GNAQ: variants seen among roughly 807,000 people sequenced by gnomAD.
GNAQ encodes the protein guanine nucleotide-binding protein G(q) subunit alpha.
GNAQ carries 8 observed loss-of-function variants against 43.9 expected under a neutral mutation model. The observed-to-expected ratio is 0.18, with a 90% CI of 0.11 to 0.33. The LOEUF is 0.33. Among genes scored for constraint, GNAQ ranks in the 10% least tolerant of loss-of-function variants. The pLI is 1.00. For synonymous variants in GNAQ, 155 were observed against 170.7 expected (o/e 0.91, Z 0.71); for missense variants, 158 against 450.8 (o/e 0.35, Z 5.88).
At chr9:77,779,063 A>G (rs1299227384) in intron 5 of GNAQ, among the ~76,000 whole-genome samples, 1 of 151,984 alleles carries the variant, frequency 6.6e-6, no homozygotes, top group Admixed American at 6.6e-5. Flanking sequence ...CCATCAATCA[A>G]TTAGATATAA....
At chr9:77,985,361 T>C (rs1334321525) in intron 1 of GNAQ, among the ~76,000 whole-genome samples, 2 of 151,966 alleles carry the variant, frequency 1.3e-5, no homozygotes, top group African/African-American at 2.4e-5. Flanking sequence ...TTGTTTTGTT[T>C]TGGTTTTCCT....
At chr9:77,916,401 A>G (rs1330457537) in intron 2 of GNAQ, among the ~76,000 whole-genome samples, 3 of 152,234 alleles carry the variant, frequency 2.0e-5, no homozygotes, top group African/African-American at 7.2e-5. Flanking sequence ...GTAATGTTTT[A>G]TTCCTTGATC....
At chr9:77,885,717 G>A (rs1233852810) in intron 2 of GNAQ, among the ~76,000 whole-genome samples, 1 of 150,578 alleles carries the variant, frequency 6.6e-6, no homozygotes, top group Non-Finnish European at 1.5e-5. Flanking sequence ...TCATAATTTT[G>A]GACAACTTAC....
chr9:77,956,029 T>C (rs184903840), intron 1 of GNAQ, among the ~76,000 whole-genome samples: 1 of 152,326 alleles, frequency 6.6e-6, no homozygotes, highest in East Asian at 1.9e-4. Flanking sequence ...ATGTGAAACA[T>C]TTTTGATTTA....
At chr9:77,745,488 GATCT>G (rs1825715145) in intron 5 of GNAQ, among the ~76,000 whole-genome samples, 1 of 151,732 alleles carries the variant, frequency 6.6e-6, no homozygotes, top group African/African-American at 2.4e-5. Flanking sequence ...AAAATCCTCA[GATCT>G]TTCTGAAAGA....
chr9:77,925,371 G>A (rs954185551), intron 1 of GNAQ, among the ~76,000 whole-genome samples: 4 of 152,116 alleles, frequency 2.6e-5, no homozygotes, highest in African/African-American at 7.2e-5. Context: ...ACTTCTGGAA[G>A]CCAATCATGA....
chr9:77,886,376 G>A (rs1275581971), intron 2 of GNAQ, among the ~76,000 whole-genome samples: 1 of 134,442 alleles, frequency 7.4e-6, no homozygotes, highest in Admixed American at 8.3e-5. Flanking sequence ...TAAATTTAGA[G>A]CTATGCTCTT....
intron 2 of GNAQ, among the ~76,000 whole-genome samples, chr9:77,866,446 A>C (rs1184093768): frequency 6.6e-6 from 1 of 152,200 alleles, no homozygotes; most frequent in Non-Finnish European, 1.5e-5. Flanking sequence ...TCAAAAAATA[A>C]ATAAATAATT....
At chr9:77,797,177 T>C (rs1826671573) in intron 4 of GNAQ, among the ~76,000 whole-genome samples, 1 of 151,996 alleles carries the variant, frequency 6.6e-6, no homozygotes, top group South Asian at 2.1e-4. Context: ...GGATTACAGG[T>C]GCCCGCCAGC....
intron 1 of GNAQ, among the ~76,000 whole-genome samples, chr9:77,948,886 T>C (rs1177336820): frequency 1.3e-5 from 2 of 152,032 alleles, no homozygotes; most frequent in African/African-American, 4.8e-5. Flanking sequence ...TACTTTCCAT[T>C]TGGGAGTCAC....
At chr9:77,833,650 T>A (rs1436584727) in intron 2 of GNAQ, among the ~76,000 whole-genome samples, 4 of 152,200 alleles carry the variant, frequency 2.6e-5, no homozygotes, top group Non-Finnish European at 5.9e-5. Context: ...AACTGACAAG[T>A]TTTCCTGTAA....
chr9:77,745,435 A>G (rs1825714520), intron 5 of GNAQ, among the ~76,000 whole-genome samples: 1 of 152,228 alleles, frequency 6.6e-6, no homozygotes, highest in Non-Finnish European at 1.5e-5. Context: ...ATCACTGTAA[A>G]GAGATCAATG....
At chr9:77,871,817 C>A (rs1828042840) in intron 2 of GNAQ, among the ~76,000 whole-genome samples, 1 of 152,096 alleles carries the variant, frequency 6.6e-6, no homozygotes, top group Non-Finnish European at 1.5e-5. Context: ...AAAAATCTTC[C>A]TATATGACAA....
intron 1 of GNAQ, among the ~76,000 whole-genome samples, chr9:77,979,045 ACT>A (rs1384612265): frequency 2.0e-5 from 3 of 151,746 alleles, no homozygotes; most frequent in Non-Finnish European, 4.4e-5. Flanking sequence ...ACAGAGTAAG[ACT>A]CTGTCTCAGA....
At chr9:77,884,190 G>C (rs763508376) in intron 2 of GNAQ, among the ~76,000 whole-genome samples, 1 of 152,142 alleles carries the variant, frequency 6.6e-6, no homozygotes, top group Non-Finnish European at 1.5e-5. Flanking sequence ...AACTGGGAGG[G>C]GAAAAAAGAT....
intron 1 of GNAQ, among the ~76,000 whole-genome samples, chr9:78,024,340 C>T (rs1218760019): frequency 2.6e-5 from 4 of 152,066 alleles, no homozygotes; most frequent in African/African-American, 4.8e-5. Flanking sequence ...ATGGATGATG[C>T]CTATTAGAAG....
At chr9:77,906,409 A>C (rs1439712528) in intron 2 of GNAQ, among the ~76,000 whole-genome samples, 1 of 152,206 alleles carries the variant, frequency 6.6e-6, no homozygotes, top group Non-Finnish European at 1.5e-5. Flanking sequence ...ATCTGGTATG[A>C]TCTTTCTGGA....
At chr9:77,865,480 C>T (rs1348747097) in intron 2 of GNAQ, among the ~76,000 whole-genome samples, 2 of 152,152 alleles carry the variant, frequency 1.3e-5, no homozygotes, top group Non-Finnish European at 2.9e-5. Context: ...TTCAAAGCAA[C>T]CCAATTAAAC....
At chr9:78,007,286 C>CT (rs778222055) in intron 1 of GNAQ, among the ~76,000 whole-genome samples, 3,698 of 136,900 alleles carry the variant, frequency 0.027, 136 homozygotes, top group African/African-American at 0.088. Context: ...AATCTAAAAG[C>CT]TTTTTTTTTT....
Sources: allele counts gnomAD v4.1 joint callset (sites outside exome capture counted in the v4.1 genomes callset), GRCh38; gene constraint gnomAD v4.1.1; transcripts MANE v1.5; gene names NCBI Gene and HGNC (gene_info 2026-07-23, HGNC 2026-07-21).